Variants in ABLIM1 observed in about 807,000 individuals in gnomAD.
The protein encoded by ABLIM1 is actin-binding LIM protein 1.
In ABLIM1, 40 loss-of-function variants were observed where a neutral mutation model predicts 107.0. The ratio of observed to expected loss-of-function variants is 0.37; its 90% CI spans 0.29 to 0.49. The LOEUF is 0.49. Ranked by LOEUF, ABLIM1 falls within the 20% of genes least tolerant of loss-of-function variation. The pLI is 0.97. For missense variants in ABLIM1, 857 were observed against 1,008.5 expected (o/e 0.85, Z 2.04); for synonymous variants, 357 against 357.3 (o/e 1.00, Z 0.01).
upstream of ABLIM1, among the ~76,000 whole-genome samples, chr10:114,689,057 G>A (rs2081010617): frequency 6.6e-6 from 1 of 152,158 alleles, no homozygotes; most frequent in Admixed American, 6.5e-5. Context: ...CGGCTGATGG[G>A]TAGTCCCTGT....
At chr10:114,706,489 C>A (rs2081424020) in intron 1 of ABLIM1, among the ~76,000 whole-genome samples, 1 of 152,220 alleles carries the variant, frequency 6.6e-6, no homozygotes, top group Non-Finnish European at 1.5e-5. Context: ...CAAATTAATG[C>A]ACAGTCCACA....
intron 6 of ABLIM1, among the ~76,000 whole-genome samples, chr10:114,535,185 T>C (rs1040524890): frequency 6.6e-6 from 1 of 152,208 alleles, no homozygotes; most frequent in Admixed American, 6.5e-5. Context: ...TTCCCAGCAC[T>C]GGAGAGGTTT....
chr10:114,607,446 G>A (rs1190627030), intron 1 of ABLIM1, among the ~76,000 whole-genome samples: 1 of 152,188 alleles, frequency 6.6e-6, no homozygotes, highest in African/African-American at 2.4e-5. Context: ...AGTATGGGCT[G>A]TACATAGTGA....
chr10:114,526,892 G>A, intron 6 of ABLIM1: 2 of 985,468 alleles, frequency 2.0e-6, no homozygotes, highest in Non-Finnish European at 2.4e-6. Context: ...CCCGTGTGCG[G>A]CGGGCAGGCA....
At chr10:114,767,005 A>G (rs2082910721) in intron 1 of ABLIM1, among the ~76,000 whole-genome samples, 2 of 152,324 alleles carry the variant, frequency 1.3e-5, no homozygotes, top group East Asian at 1.9e-4. Context: ...CCAACCAACC[A>G]TATCGCCAAA....
chr10:114,694,424 G>C (rs1016757790), intron 1 of ABLIM1, among the ~76,000 whole-genome samples: 8 of 152,302 alleles, frequency 5.3e-5, no homozygotes, highest in African/African-American at 1.9e-4. Context: ...AAACTGGTAA[G>C]GGGGGTGCAC....
intron 4 of ABLIM1, among the ~76,000 whole-genome samples, chr10:114,560,482 A>G (rs1009828845): frequency 6.6e-6 from 1 of 152,230 alleles, no homozygotes; most frequent in Non-Finnish European, 1.5e-5. Flanking sequence ...CTTTCTATGT[A>G]TAGATATGTT....
chr10:114,608,247 C>T (rs2076558753), intron 1 of ABLIM1, among the ~76,000 whole-genome samples: 1 of 152,134 alleles, frequency 6.6e-6, no homozygotes, highest in Non-Finnish European at 1.5e-5. Context: ...GCCTGTAGTC[C>T]CAGCTACTTG....
chr10:114,439,722 A>C, intron 20 of ABLIM1: 1 of 354,068 alleles, frequency 2.8e-6, no homozygotes. Flanking sequence ...TTCATTTGAG[A>C]ACGCGCAGGA....
chr10:114,592,875 T>A (rs1281107151), intron 2 of ABLIM1, among the ~76,000 whole-genome samples: 1 of 151,898 alleles, frequency 6.6e-6, no homozygotes, highest in African/African-American at 2.4e-5. Context: ...TTGGGGTGGG[T>A]ATGGGGCTAG....
the ABLIM1 span, among the ~76,000 whole-genome samples, chr10:114,781,638 G>A: frequency 7.3e-6 from 1 of 136,164 alleles, no homozygotes; most frequent in South Asian, 2.4e-4. Context: ...ATATATGCAC[G>A]TGTGTGTGTG....
At chr10:114,744,083 G>T (rs371429569) in intron 1 of ABLIM1, among the ~76,000 whole-genome samples, 1 of 152,170 alleles carries the variant, frequency 6.6e-6, no homozygotes, top group African/African-American at 2.4e-5. Flanking sequence ...CAGAAGTTTC[G>T]TGATGGGACC....
rs2071629217 is a variant in ABLIM1, at chr10:114,571,202, T to C, written c.673+95A>G. The C allele has an allele frequency of 1.1e-5, 11 of 1,037,302 alleles. No individual in the cohort carries two copies. The South Asian group carries it at 1.4e-4, about 13-fold the overall frequency. The allele number at this position is 1,037,302 out of a possible 1,614,324, so 64.3% of individuals were successfully genotyped here. A position where few individuals can be genotyped will look rare whatever the true frequency, so the allele number is the denominator to read the frequency against. On this transcript the variant is annotated intron_variant, in intron 4 of 22. Coordinates refer to ENST00000533213, the MANE Select transcript of ABLIM1 (RefSeq NM_002313.7). ...TTCAAGTAGATAGATGACTCTCATTTCCAGCTAACAGCGTTTCTCAAAAAG... is the reference window on the plus strand; with the variant it reads ...TTCAAGTAGATAGATGACTCTCATTCCCAGCTAACAGCGTTTCTCAAAAAG...
chr10:114,510,658 T>TA (rs35934311), intron 6 of ABLIM1, among the ~76,000 whole-genome samples: 82,231 of 150,580 alleles, frequency 0.55, 23,554 homozygotes, highest in African/African-American at 0.72. Flanking sequence ...ATTTTATTAT[T>TA]TTTTTTTTTG....
chr10:114,601,515 C>T (rs577879769), intron 2 of ABLIM1, among the ~76,000 whole-genome samples: 2 of 152,280 alleles, frequency 1.3e-5, no homozygotes, highest in East Asian at 3.9e-4. Flanking sequence ...ATCCACCCGC[C>T]TCAGCCTCCC....
intron 18 of ABLIM1, 148 bp from the exon 19 acceptor site, chr10:114,441,225 A>G (rs890318732): frequency 6.1e-6 from 5 of 814,166 alleles, no homozygotes; most frequent in Non-Finnish European, 9.5e-6. Context: ...TGATTCTTCT[A>G]CTGCTATGCC....
At chr10:114,551,876 A>T (rs1398676827) in intron 4 of ABLIM1, among the ~76,000 whole-genome samples, 2 of 152,130 alleles carry the variant, frequency 1.3e-5, no homozygotes, top group Non-Finnish European at 2.9e-5. Flanking sequence ...TATCTATACC[A>T]TTGAGCTCCT....
At chr10:114,757,764 A>G (rs77310309) in intron 1 of ABLIM1, among the ~76,000 whole-genome samples, 1,634 of 152,190 alleles carry the variant, frequency 0.011, 21 homozygotes, top group African/African-American at 0.036. Flanking sequence ...CTTTTAAACT[A>G]CATCAAATCA....
chr10:114,729,008 A>T (rs1591900337), intron 1 of ABLIM1, among the ~76,000 whole-genome samples: 1 of 152,282 alleles, frequency 6.6e-6, no homozygotes, highest in East Asian at 1.9e-4. Flanking sequence ...TATACTGAGC[A>T]TAAGCAGGCA....
Sources: allele counts gnomAD v4.1 joint callset (sites outside exome capture counted in the v4.1 genomes callset), GRCh38; gene constraint gnomAD v4.1.1; transcripts MANE v1.5; gene names NCBI Gene and HGNC (gene_info 2026-07-23, HGNC 2026-07-21).